The following KAT14 variants were observed in gnomAD, a reference collection of about 807,000 sequenced individuals.
The protein encoded by KAT14 is cysteine-rich protein 2-binding protein.
In KAT14, 66 loss-of-function variants were observed where a neutral mutation model predicts 78.4. The ratio of observed to expected loss-of-function variants is 0.84; its 90% CI spans 0.69 to 1.03. The LOEUF is 1.03. Ranked by LOEUF, KAT14 falls within the 50% of genes least tolerant of loss-of-function variation. The pLI is 0.00. For synonymous variants in KAT14, 344 were observed against 359.4 expected (o/e 0.96, Z 0.48); for missense variants, 870 against 972.5 (o/e 0.89, Z 1.40).
At chr20:18,147,512 C>T (rs1033660514) in intron 3 of KAT14, among the ~76,000 whole-genome samples, 1 of 152,130 alleles carries the variant, frequency 6.6e-6, no homozygotes, top group Non-Finnish European at 1.5e-5. Context: ...AAAAGAAAAG[C>T]TGGCTTTTGC....
chr20:18,180,658 G>A (rs1249756996), intron 7 of KAT14, among the ~76,000 whole-genome samples: 1 of 152,178 alleles, frequency 6.6e-6, no homozygotes, highest in African/African-American at 2.4e-5. Flanking sequence ...CCACATGGCT[G>A]GGTAGGCCTC....
At chr20:18,176,453 A>G (rs1359943137) in intron 7 of KAT14, among the ~76,000 whole-genome samples, 1 of 152,236 alleles carries the variant, frequency 6.6e-6, no homozygotes, top group African/African-American at 2.4e-5. Flanking sequence ...TACATCATGC[A>G]GAGTGAACGC....
chr20:18,153,399 G>T, intron 4 of KAT14, among the ~76,000 whole-genome samples: 1 of 152,174 alleles, frequency 6.6e-6, no homozygotes, highest in East Asian at 1.9e-4. Flanking sequence ...TTAGTTTAAT[G>T]ATTTAGCACT....
rs1311591055 is a variant in KAT14, at chr20:18,161,843, C to G, written c.703C>G (p.Pro235Ala). 4 of 1,613,412 alleles carry G rather than the reference C, an allele frequency of 2.5e-6. No homozygotes were observed. Among genetic ancestry groups the G allele is most frequent in the Non-Finnish European group, 3.4e-6 (4 of 1,179,868 alleles). ...AGCAGCCTCAAAACCAACTTTAGAT[C>G]CCATCATTACTGTTGAGGGACTTAG... The part of the protein sequence containing the change: ...KIKASKPTLD[P>A]IITVEGLRKR... Residue 235 changes from proline (P) to alanine (A), a missense_variant, in exon 6 of 11, where the codon CCC becomes GCC. Transcript: ENST00000688188.
chr20:18,154,734 T>C (rs1327134422), intron 4 of KAT14, among the ~76,000 whole-genome samples: 1 of 152,194 alleles, frequency 6.6e-6, no homozygotes, highest in Non-Finnish European at 1.5e-5. Flanking sequence ...TGTGTACAAA[T>C]AAGAGCTAAC....
chr20:18,145,554 G>A (rs965823336), intron 3 of KAT14, among the ~76,000 whole-genome samples: 1 of 152,196 alleles, frequency 6.6e-6, no homozygotes, highest in South Asian at 2.1e-4. Flanking sequence ...GCCAAGGCGG[G>A]CAGATCACCT....
intron 10 of KAT14, 82 bp from the exon 11 acceptor site, chr20:18,187,204 A>G: frequency 6.7e-7 from 1 of 1,496,272 alleles, no homozygotes; most frequent in Non-Finnish European, 8.9e-7. Flanking sequence ...CTAACTGCCT[A>G]CACTTAAAAG....
In KAT14 at chr20:18,184,585, T is replaced by C; in HGVS notation, c.1982-17T>C. The C allele has an allele frequency of 2.5e-6, 4 of 1,594,154 alleles. No homozygotes were observed. Among genetic ancestry groups the C allele is most frequent in the Non-Finnish European group, 3.4e-6 (4 of 1,175,290 alleles). Reference sequence around the variant, plus strand: ...AAAGGCATGTGGTTTGAGTCTCCGATGGTTTCTTTTCTTTAGGCATTGACC... The same window carrying C: ...AAAGGCATGTGGTTTGAGTCTCCGACGGTTTCTTTTCTTTAGGCATTGACC... On this transcript the variant is annotated splice_polypyrimidine_tract_variant and intron_variant, in intron 9 of 10. Coordinates refer to ENST00000688188, the MANE Select transcript of KAT14 (RefSeq NM_001392073.1).
chr20:18,165,270 C>T (rs796439728), intron 7 of KAT14, among the ~76,000 whole-genome samples: 4 of 152,200 alleles, frequency 2.6e-5, no homozygotes, highest in African/African-American at 9.6e-5. Flanking sequence ...AGTAAATTGC[C>T]ACTATTAGAT....
intron 2 of KAT14, among the ~76,000 whole-genome samples, chr20:18,143,340 TAGC>T (rs922681994): frequency 6.6e-6 from 1 of 152,178 alleles, no homozygotes; most frequent in African/African-American, 2.4e-5. Flanking sequence ...AGGTTAGAAT[TAGC>T]AGATTGAAGG....
rs1227068737 is a variant in KAT14, at chr20:18,183,110, T to G, written c.1806-13T>G. On this transcript the variant is annotated splice_polypyrimidine_tract_variant and intron_variant, in intron 8 of 10. Transcript: ENST00000688188. ...TCTTGACTTGAATTTGTTTATCTTC[T>G]GTGGTACCGGAGGCGTGATTATGAA... is the stretch of plus-strand genomic sequence containing the variant. 1.3e-6 allele frequency: 2 copies of G among 1,593,602 alleles called. No homozygotes were observed. The highest frequency in any genetic ancestry group is 1.7e-6 in the Non-Finnish European group (2 of 1,170,002).
intron 3 of KAT14, among the ~76,000 whole-genome samples, chr20:18,148,613 GTT>G (rs539926110): frequency 2.1e-5 from 3 of 140,980 alleles, no homozygotes; most frequent in Admixed American, 7.1e-5. Context: ...ATTTTTTTTT[GTT>G]TTTTTTTTTT....
intron 3 of KAT14, among the ~76,000 whole-genome samples, chr20:18,145,687 A>C (rs1021946063): frequency 6.6e-6 from 1 of 152,038 alleles, no homozygotes; most frequent in Non-Finnish European, 1.5e-5. Flanking sequence ...AGACTGAGGC[A>C]GGAGAATCGC....
At chr20:18,140,124 G>T (rs1257826199) in intron 1 of KAT14, among the ~76,000 whole-genome samples, 1 of 152,142 alleles carries the variant, frequency 6.6e-6, no homozygotes, top group Admixed American at 6.5e-5. Context: ...TGAGAAGGAA[G>T]GGTAGGATCT....
upstream of KAT14, chr20:18,137,807 C>A (rs561389288): frequency 3.2e-5 from 26 of 815,774 alleles, no homozygotes; most frequent in African/African-American, 5.5e-5. Flanking sequence ...CGATTGCTCA[C>A]GCCTGGCAGC....
chr20:18,164,913 C>A lies in KAT14; in HGVS notation c.1668+1968C>A, dbSNP rs561215466. On this transcript the variant is annotated intron_variant, in intron 7 of 10. Transcript: ENST00000688188. ...CTGGGATTACAGGCATGAGCCATTG[C>A]GCCTGGCCAATATTCACCTGTTCTT... 3.9e-5 allele frequency among the ~76,000 whole-genome samples: 6 copies of A among 152,160 alleles called. No homozygotes were observed. In the South Asian group the frequency reaches 6.2e-4, roughly 16 times the overall value.
chr20:18,153,871 T>G (rs771067820), intron 4 of KAT14, among the ~76,000 whole-genome samples: 4 of 152,166 alleles, frequency 2.6e-5, no homozygotes, highest in Non-Finnish European at 4.4e-5. Flanking sequence ...AATGTAACAA[T>G]AAAAATAAAA....
chr20:18,184,485 GTTTTTTT>G, intron 9 of KAT14, 110 bp from the exon 10 acceptor site: 2 of 601,262 alleles, frequency 3.3e-6, no homozygotes, highest in Non-Finnish European at 5.1e-6. Context: ...CAGTTTTGGT[GTTTTTTT>G]TTTTTTTTTT....
At chr20:18,180,687 G>A (rs1475200282) in intron 7 of KAT14, among the ~76,000 whole-genome samples, 1 of 152,190 alleles carries the variant, frequency 6.6e-6, no homozygotes, top group Admixed American at 6.5e-5. Flanking sequence ...GGCAGGAGGT[G>A]AAAGACACTT....
Sources: allele counts gnomAD v4.1 joint callset (sites outside exome capture counted in the v4.1 genomes callset), GRCh38; gene constraint gnomAD v4.1.1; transcripts MANE v1.5; gene names NCBI Gene and HGNC (gene_info 2026-07-23, HGNC 2026-07-21).